The following DRG2 variants were observed in gnomAD, a reference collection of about 807,000 sequenced individuals.
The protein encoded by DRG2 is developmentally-regulated GTP-binding protein 2.
DRG2 carries 36 observed loss-of-function variants against 53.4 expected under a neutral mutation model. The observed-to-expected ratio is 0.67, with a 90% CI of 0.52 to 0.89. DRG2 has a LOEUF of 0.89. DRG2 is among the 40% of genes least tolerant of loss of function. The pLI, the probability that DRG2 is intolerant of heterozygous loss-of-function variation, is 0.00. For missense variants in DRG2, 342 were observed against 481.2 expected, an observed-to-expected ratio of 0.71 and a Z score of 2.71; for synonymous variants, 167 against 192.1, an observed-to-expected ratio of 0.87 and a Z score of 1.08.
Position 18,098,567 on chromosome 17 carries a change from G to T in DRG2, c.315+208G>T. 1.9e-6 allele frequency: 1 copy of T among 527,178 alleles called. No homozygotes were observed. Among genetic ancestry groups the T allele is most frequent in the Non-Finnish European group, 3.4e-6 (1 of 289,994 alleles). 32.7% of individuals were successfully genotyped at this position (527,178 alleles called of 1,614,324 possible). Reference sequence around the variant, plus strand: ...GCCTGGTGGGGCCTGGAACTAGGAGGTCAGGCCAGCATGTGGCTACTTTGC... The same window carrying T: ...GCCTGGTGGGGCCTGGAACTAGGAGTTCAGGCCAGCATGTGGCTACTTTGC... On this transcript the variant is annotated intron_variant, in intron 3 of 12. Transcript: ENST00000225729. This position sits in a 1 kb window ranked among gnomAD's most constrained non-coding sequence, Gnocchi z 4.1.
chr17:18,090,406 A>ATTTTTTTTTT (rs1186716416), intron 1 of DRG2, among the ~76,000 whole-genome samples: 5 of 22,698 alleles, frequency 2.2e-4, no homozygotes, highest in African/African-American at 2.2e-4. Context: ...ATATATATAT[A>ATTTTTTTTTT]TTTTTTTTTT....
intron 2 of DRG2, chr17:18,096,954 C>G (rs2045443937): frequency 6.6e-6 from 1 of 152,148 alleles, no homozygotes; most frequent in South Asian, 2.1e-4. Context: ...GTTGTACTGT[C>G]TGCCTATATG....
intron 1 of DRG2, among the ~76,000 whole-genome samples, chr17:18,090,368 T>TTATTTATTTATATATA (rs1258672077): frequency 3.9e-5 from 1 of 25,518 alleles, no homozygotes; most frequent in African/African-American, 1.4e-4. Context: ...CCGGGCTAAT[T>TTATTTATTTATATATA]TATATATATA....
At position 18,098,139 on chromosome 17, in the gene DRG2, A is replaced by C; in HGVS notation, c.226-131A>C. The C allele has an allele frequency of 1.4e-6, 1 of 697,350 alleles. No individual in the cohort carries two copies. Among genetic ancestry groups the C allele is most frequent in the Non-Finnish European group, 2.5e-6 (1 of 393,506 alleles). The allele number at this position is 697,350 out of a possible 1,614,324, so 43.2% of individuals were successfully genotyped here. A position where few individuals can be genotyped will look rare whatever the true frequency, so the allele number is the denominator to read the frequency against. ...CTGGCTGGGAGGTCTCTTCACAGCC[A>C]CCTAGGTCACCAAGCCGAGGGTGAG... On this transcript the variant is annotated intron_variant, in intron 2 of 12. Transcript: ENST00000225729. The surrounding 1 kb of genome is among the most constrained non-coding windows in gnomAD (Gnocchi z 4.1).
rs1165321853 is a variant in DRG2 at position 18,094,974 on chromosome 17, CAAAAAAAAAAAAAA to C, written c.225+1017_225+1030del. Among the ~76,000 whole-genome samples, 111 of 25,324 alleles carry C rather than the reference CAAAAAAAAAAAAAA, an allele frequency of 4.4e-3. 2 individuals carry two copies. Among genetic ancestry groups the C allele is most frequent in the African/African-American group, 0.011 (102 of 9,036 alleles). 16.6% of individuals were successfully genotyped at this position (25,324 alleles called of 152,430 possible). A position where few individuals can be genotyped will look rare whatever the true frequency, so the allele number is the denominator to read the frequency against. ...GGGCAACAAGAGCAAAACTCCATCT[CAAAAAAAAAAAAAA>C]AAAAAAAAAAAAAAAGAAGGTTTCT... On this transcript the variant is annotated intron_variant, in intron 2 of 12. Transcript: ENST00000225729.
Position 18,100,550 on chromosome 17 carries a change from TC to T in DRG2, c.541-16del. ...ACCCCTCGGTCAGCAGTTCTCCCCA[TC>T]CCTTTCTCCTCTTTCAGCCCAAGAA... On this transcript the variant is annotated intron_variant, in intron 6 of 12. Transcript: ENST00000225729. This position sits in a 1 kb window ranked among gnomAD's most constrained non-coding sequence, Gnocchi z 4.1. 6.2e-7 allele frequency: 1 copy of T among 1,614,050 alleles called. No individual in the cohort carries two copies. The highest frequency in any genetic ancestry group is 8.5e-7 in the Non-Finnish European group (1 of 1,179,892).
chr17:18,098,124 G>A lies in DRG2; in HGVS notation c.226-146G>A, dbSNP rs898623551. The A allele has an allele frequency of 1.1e-5, 7 of 643,878 alleles. No individual in the cohort carries two copies. The highest frequency in any genetic ancestry group is 5.5e-5 in the African/African-American group (3 of 54,938). 39.9% of individuals were successfully genotyped at this position (643,878 alleles called of 1,614,324 possible). ...CCAGAGGTGAGCCCTCTGGCTGGGA[G>A]GTCTCTTCACAGCCACCTAGGTCAC... On this transcript the variant is annotated intron_variant, in intron 2 of 12. Coordinates refer to ENST00000225729, the MANE Select transcript of DRG2 (RefSeq NM_001388.5). The surrounding 1 kb of genome is among the most constrained non-coding windows in gnomAD (Gnocchi z 4.1).
chr17:18,101,811 T>C (rs1318739302), intron 8 of DRG2, 110 bp from the exon 9 acceptor site: 15 of 1,318,622 alleles, frequency 1.1e-5, no homozygotes, highest in Admixed American at 2.1e-5. Context: ...AGGAAGGGCG[T>C]AGACTCAGCT....
chr17:18,101,980 C>T lies in DRG2; in HGVS notation c.789C>T (p.Pro263=). ...MEEVDRLARK[P]NSVVISCGMK... ...AGGTGGACCGCCTGGCCCGAAAACC[C>T]AACAGTGTGGTCATCAGGTGAGGCC... The change falls in exon 9 of 13, where the codon CCC becomes CCT. Residue 263 remains proline (P), a synonymous_variant. Transcript: ENST00000225729. 1.2e-6 allele frequency: 2 copies of T among 1,610,878 alleles called. No homozygotes were observed. Among genetic ancestry groups the T allele is most frequent in the Non-Finnish European group, 1.7e-6 (2 of 1,178,412 alleles).
intron 8 of DRG2, 77 bp from the exon 9 acceptor site, chr17:18,101,844 G>A: frequency 1.3e-6 from 2 of 1,482,828 alleles, no homozygotes; most frequent in Non-Finnish European, 1.8e-6. Context: ...GCTGCAGCCG[G>A]CACAGGGCGA....
At chr17:18,104,230 C>T (rs2045588235) in intron 10 of DRG2, among the ~76,000 whole-genome samples, 1 of 152,204 alleles carries the variant, frequency 6.6e-6, no homozygotes, top group Non-Finnish European at 1.5e-5. Flanking sequence ...CACACACATG[C>T]CCTGGGGTCC....
Position 18,100,024 on chromosome 17 carries a change from C to A in DRG2, c.467+301C>A, listed in dbSNP as rs949325649. 2 of 579,628 alleles carry A rather than the reference C, an allele frequency of 3.5e-6. No individual in the cohort carries two copies. Among genetic ancestry groups the A allele is most frequent in the South Asian group, 4.1e-5 (2 of 48,596 alleles). The allele number at this position is 579,628 out of a possible 1,614,324, so 35.9% of individuals were successfully genotyped here. The stretch of plus-strand genomic sequence containing the variant: ...AACCTGCCAGGAGCCCAGCCCCAGG[C>A]ACAGAAGCATTGTTCATCCACATCC... On this transcript the variant is annotated intron_variant, in intron 5 of 12. Transcript: ENST00000225729. The surrounding 1 kb of genome is among the most constrained non-coding windows in gnomAD (Gnocchi z 4.1).
In DRG2 at chr17:18,098,175, C is replaced by G. The variant is rs2045465193; in HGVS notation, c.226-95C>G. The stretch of plus-strand genomic sequence containing the variant: ...CAAGCCGAGGGTGAGAGGGTCTCCT[C>G]CTGCTGCCTGCACCTGCAGGCCCCC... On this transcript the variant is annotated intron_variant, in intron 2 of 12. Coordinates refer to ENST00000225729, the MANE Select transcript of DRG2 (RefSeq NM_001388.5). This position sits in a 1 kb window ranked among gnomAD's most constrained non-coding sequence, Gnocchi z 4.1. The G allele has an allele frequency of 4.9e-6, 5 of 1,011,318 alleles. 1 individual carries two copies. The allele number at this position is 1,011,318 out of a possible 1,614,324, so 62.6% of individuals were successfully genotyped here.
intron 2 of DRG2, among the ~76,000 whole-genome samples, chr17:18,094,445 T>G (rs2045391644): frequency 6.6e-6 from 1 of 151,640 alleles, no homozygotes; most frequent in Admixed American, 6.6e-5. Context: ...GGTGAGTGAG[T>G]ATTTGGGCAG....
Position 18,104,671 on chromosome 17 carries a change from TG to T in DRG2, c.946del (p.Glu316SerfsTer34). ...DAIILRKGAS[V>X]EHVCHRIHRS... ...ATCATTCTCCGGAAAGGGGCCTCAG[TG>T]GAGCACGTGGTGAGTTGACAAGACC... is the stretch of plus-strand genomic sequence containing the variant. On this transcript the variant is annotated frameshift_variant, in exon 11 of 13. Coordinates refer to ENST00000225729, the MANE Select transcript of DRG2 (RefSeq NM_001388.5). LOFTEE classifies it high-confidence loss of function. The T allele has an allele frequency of 6.2e-7, 1 of 1,613,804 alleles. No homozygotes were observed. The highest frequency in any genetic ancestry group is 8.5e-7 in the Non-Finnish European group (1 of 1,180,000).
chr17:18,106,545 G>C, intron 12 of DRG2, 59 bp downstream of exon 12: 3 of 1,594,432 alleles, frequency 1.9e-6, no homozygotes, highest in Non-Finnish European at 2.6e-6. Flanking sequence ...CCTGGGTTAG[G>C]CATGAAGCAA....
chr17:18,090,406 A>ATATATTTTT (rs1555532983), intron 1 of DRG2, among the ~76,000 whole-genome samples: 7 of 22,700 alleles, frequency 3.1e-4, no homozygotes, highest in South Asian at 9.4e-4. Context: ...ATATATATAT[A>ATATATTTTT]TTTTTTTTTT....
rs1460772789 is a variant in DRG2 at position 18,104,520 on chromosome 17, G to A, written c.896-103G>A. ...GGGGGAGGTTAGGCCAAGGCAAGGA[G>A]ACCGAAAGGGCCTCTGTGGCCAGCT... On this transcript the variant is annotated intron_variant, in intron 10 of 12. Transcript: ENST00000225729. The A allele has an allele frequency of 1.3e-5, 21 of 1,572,168 alleles. No individual in the cohort carries two copies. In the Admixed American group the frequency reaches 3.7e-4, roughly 28 times the overall value.
rs968147172 is a variant in DRG2 at position 18,103,652 on chromosome 17, C to G, written c.807-149C>G. On this transcript the variant is annotated intron_variant, in intron 9 of 12. Coordinates refer to ENST00000225729, the MANE Select transcript of DRG2 (RefSeq NM_001388.5). The surrounding 1 kb of genome is among the most constrained non-coding windows in gnomAD (Gnocchi z 4.4). ...AGGCACTGGCAGCAGAAACATCAGG[C>G]TGCCATCATAGTAATGGGCTTGTTT... 1.1e-5 allele frequency: 8 copies of G among 697,684 alleles called. No homozygotes were observed. The highest frequency in any genetic ancestry group is 1.8e-5 in the Non-Finnish European group (7 of 398,464). 43.2% of individuals were successfully genotyped at this position (697,684 alleles called of 1,614,324 possible).
Sources: allele counts gnomAD v4.1 joint callset (sites outside exome capture counted in the v4.1 genomes callset), GRCh38; gene constraint gnomAD v4.1.1; non-coding constraint Gnocchi (gnomAD v3.1); transcripts MANE v1.5; gene names NCBI Gene and HGNC (gene_info 2026-07-23, HGNC 2026-07-21).